Variants in NAV1 observed in about 807,000 individuals in gnomAD.
NAV1 encodes the protein neuron navigator 1.
NAV1 carries 18 observed loss-of-function variants against 175.2 expected under a neutral mutation model. That is an observed-to-expected ratio of 0.10 (90% CI 0.07 to 0.15). The LOEUF is 0.15. NAV1 is among the 10% of genes least tolerant of loss of function. The pLI, the probability that NAV1 is intolerant of heterozygous loss-of-function variation, is 1.00. For missense variants in NAV1, 1,731 were observed against 2,436.6 expected, an observed-to-expected ratio of 0.71 and a Z score of 6.10; for synonymous variants, 897 against 978.7, an observed-to-expected ratio of 0.92 and a Z score of 1.56.
chr1:201,649,806 C>T (rs1669117606), intron 1 of NAV1, among the ~76,000 whole-genome samples: 1 of 152,202 alleles, frequency 6.6e-6, no homozygotes, highest in Admixed American at 6.5e-5. Flanking sequence ...ACAGGAGCAT[C>T]CCGCATTGCA....
rs1012224054 is a variant in NAV1, at chr1:201,782,491, T to C, written c.1979T>C (p.Leu660Pro). 3 of 1,613,306 alleles carry C rather than the reference T, an allele frequency of 1.9e-6. No individual in the cohort carries two copies. The highest frequency in any genetic ancestry group is 2.5e-6 in the Non-Finnish European group (3 of 1,179,402). ...TCCAACAGTGCAGAGCCAGGATTCC[T>C]GGCTCCTGGAGCCCGTTCTAACATC... The change falls in exon 6 of 30, where the codon CTG (leucine) becomes CCG (proline). Residue 660 changes from leucine to proline, a missense_variant. Transcript: ENST00000367296. The surrounding 1 kb of genome is among the most constrained non-coding windows in gnomAD (Gnocchi z 5.4).
intron 1 of NAV1, among the ~76,000 whole-genome samples, chr1:201,573,371 AG>A (rs1666603662): frequency 6.6e-6 from 1 of 152,154 alleles, no homozygotes; most frequent in Non-Finnish European, 1.5e-5. Context: ...CACTTTTTCA[AG>A]GGGAAAGAAG....
chr1:201,704,907 A>G (rs1671601671), intron 1 of NAV1, among the ~76,000 whole-genome samples: 1 of 152,190 alleles, frequency 6.6e-6, no homozygotes, highest in Admixed American at 6.5e-5. Flanking sequence ...AGATAGGGAA[A>G]CTGAGGCCCA....
intron 1 of NAV1, among the ~76,000 whole-genome samples, chr1:201,650,861 G>C (rs1217917853): frequency 6.6e-6 from 1 of 152,194 alleles, no homozygotes; most frequent in Non-Finnish European, 1.5e-5. Context: ...CTGAAGGTGG[G>C]GATGGCTGGG....
At chr1:201,588,634 T>G (rs945453446) in exon 2 of NAV1, among the ~76,000 whole-genome samples, 28 of 151,374 alleles carry the variant, frequency 1.8e-4, no homozygotes, top group African/African-American at 6.6e-4. Flanking sequence ...ATTACAGGTG[T>G]GAGCCACACA....
chr1:201,793,523 T>G, intron 13 of NAV1: 1 of 426,824 alleles, frequency 2.3e-6, no homozygotes, highest in Non-Finnish European at 4.3e-6. Context: ...GTTGATAGGT[T>G]TTAGATCTCA....
intron 3 of NAV1, among the ~76,000 whole-genome samples, chr1:201,770,653 T>C (rs1207518956): frequency 2.6e-5 from 4 of 152,150 alleles, no homozygotes; most frequent in African/African-American, 9.7e-5. Context: ...AGGGTATGGC[T>C]AAGAGGAGCA....
chr1:201,691,934 G>A (rs1193235053), intron 1 of NAV1, among the ~76,000 whole-genome samples: 1 of 152,192 alleles, frequency 6.6e-6, no homozygotes, highest in African/African-American at 2.4e-5. Context: ...GTCAGAACTG[G>A]GGGCTGCTGT....
In NAV1 at chr1:201,786,566, T is replaced by G. The variant is rs1676762852; in HGVS notation, c.2984T>G (p.Leu995Arg). The change falls in exon 9 of 30, where the codon CTT becomes CGT. Residue 995 changes from leucine (L) to arginine (R), a missense_variant. Physicochemically the swap from Leu to Arg is moderately radical, Grantham distance 102. Transcript: ENST00000367296. ...ATGTCTCTGAGTGCAAAGGGCCAAC[T>G]TACCAACATAGGTTAGTGTTTTCAG... 3 of 1,613,374 alleles carry G rather than the reference T, an allele frequency of 1.9e-6. No individual in the cohort carries two copies. The East Asian group carries it at 6.7e-5, about 36-fold the overall frequency.
intron 1 of NAV1, among the ~76,000 whole-genome samples, chr1:201,651,440 G>A (rs1448128713): frequency 3.9e-5 from 6 of 152,052 alleles, no homozygotes; most frequent in Non-Finnish European, 5.9e-5. Context: ...CAGGGAGGGC[G>A]AGAGAGGAGG....
intron 3 of NAV1, among the ~76,000 whole-genome samples, chr1:201,727,202 A>T (rs1007895679): frequency 6.6e-5 from 10 of 152,194 alleles, no homozygotes; most frequent in African/African-American, 2.4e-4. Flanking sequence ...CAGCCATTTG[A>T]TGATAGACAT....
chr1:201,552,585 G>A (rs557759520), intron 1 of NAV1, among the ~76,000 whole-genome samples: 25 of 152,192 alleles, frequency 1.6e-4, no homozygotes, highest in Non-Finnish European at 3.1e-4. Context: ...CAATTTTCTC[G>A]TCTGTAAAAT....
intron 1 of NAV1, among the ~76,000 whole-genome samples, chr1:201,548,132 C>G (rs1199956357): frequency 1.3e-5 from 2 of 152,168 alleles, no homozygotes; most frequent in Non-Finnish European, 2.9e-5. Context: ...TATGCTGTCC[C>G]CATTTGACAG....
At chr1:201,785,419 C>A in intron 8 of NAV1, 68 bp downstream of exon 12, 2 of 1,493,380 alleles carry the variant, frequency 1.3e-6, no homozygotes, top group South Asian at 1.2e-5. Flanking sequence ...AATCATATCT[C>A]AACCTGTCCA....
chr1:201,757,212 C>T (rs559291316), intron 3 of NAV1, among the ~76,000 whole-genome samples: 28 of 152,304 alleles, frequency 1.8e-4, no homozygotes, highest in African/African-American at 6.5e-4. Context: ...CTCAAGATCT[C>T]TGAAGGCAAG....
chr1:201,558,789 A>G (rs1044392506), intron 1 of NAV1, among the ~76,000 whole-genome samples: 3 of 152,174 alleles, frequency 2.0e-5, no homozygotes, highest in African/African-American at 7.2e-5. Context: ...CCTCTGTGAT[A>G]TGAATTTTAA....
chr1:201,662,230 A>C (rs2102358322), intron 1 of NAV1, among the ~76,000 whole-genome samples: 1 of 152,344 alleles, frequency 6.6e-6, no homozygotes, highest in Non-Finnish European at 1.5e-5. Context: ...CGTTTCCTAT[A>C]AGAGTTTAGT....
At position 201,700,866 on chromosome 1, in the gene NAV1, C is replaced by A. The variant is rs184558984; in HGVS notation, c.758-11951C>A. Among the ~76,000 whole-genome samples the A allele has an allele frequency of 2.6e-3, 389 of 151,828 alleles. 7 individuals are homozygous for A. Among genetic ancestry groups the A allele is most frequent in the Non-Finnish European group, 2.3e-3 (153 of 67,906 alleles). ...CTCTAATAAAAATACAAAAAATTAG[C>A]CAGGCGTGGTGGCAGGCGCCTGTAG... On this transcript the variant is annotated intron_variant, in intron 1 of 29. Transcript: ENST00000367296.
chr1:201,572,283 T>A (rs1483479405), intron 1 of NAV1, among the ~76,000 whole-genome samples: 1 of 152,096 alleles, frequency 6.6e-6, no homozygotes, highest in African/African-American at 2.4e-5. Context: ...GCTTCCATAG[T>A]TCCCTGAGAG....
Sources: gnomAD v4.1 joint callset for allele counts (sites outside exome capture counted in the v4.1 genomes callset) on GRCh38, gnomAD v4.1.1 for gene constraint, Gnocchi (gnomAD v3.1) non-coding constraint, MANE v1.5 for transcripts, NCBI Gene and HGNC (gene_info 2026-07-23, HGNC 2026-07-21) for gene names.